The following RAD51B variants were observed in gnomAD, a reference collection of about 807,000 sequenced individuals.
RAD51B encodes RAD51 paralog B.
RAD51B carries 38 observed loss-of-function variants against 42.2 expected under a neutral mutation model. The ratio of observed to expected loss-of-function variants is 0.90; its 90% CI spans 0.70 to 1.18. The LOEUF is 1.18. RAD51B is among the 50% of genes most tolerant of loss of function. The pLI is 0.00. For missense variants in RAD51B, 373 were observed against 400.7 expected (o/e 0.93, Z 0.59); for synonymous variants, 154 against 145.2 (o/e 1.06, Z -0.43).
chr14:67,993,609 G>A (rs1243266660), intron 7 of RAD51B, among the ~76,000 whole-genome samples: 1 of 152,030 alleles, frequency 6.6e-6, no homozygotes, highest in Non-Finnish European at 1.5e-5. Flanking sequence ...GGACACTTAG[G>A]GTGCTTCCAA....
intron 7 of RAD51B, among the ~76,000 whole-genome samples, chr14:68,007,306 A>G (rs1285481369): frequency 2.6e-5 from 4 of 152,106 alleles, no homozygotes; most frequent in Admixed American, 1.3e-4. Flanking sequence ...TCTATTATCA[A>G]TAGTGCTGCT....
At chr14:68,333,462 ACTTTGAAGAACTATCTGGCAGCCT>A (rs2082387801) in intron 8 of RAD51B, among the ~76,000 whole-genome samples, 1 of 152,238 alleles carries the variant, frequency 6.6e-6, no homozygotes, top group Non-Finnish European at 1.5e-5. Flanking sequence ...TGGTAAAGCC[ACTTTGAAGAACTATCTGGCAGCCT>A]CTAGTCTGAT....
intron 7 of RAD51B, among the ~76,000 whole-genome samples, chr14:68,243,965 A>G (rs770445009): frequency 3.3e-5 from 5 of 152,136 alleles, no homozygotes; most frequent in Non-Finnish European, 7.4e-5. Context: ...ATCAGTTTCA[A>G]TTTTGTTAAA....
At chr14:67,854,189 T>A (rs949733199) in intron 4 of RAD51B, among the ~76,000 whole-genome samples, 1 of 152,246 alleles carries the variant, frequency 6.6e-6, no homozygotes, top group Non-Finnish European at 1.5e-5. Flanking sequence ...TGTATATCTG[T>A]TTTTGTACTG....
intron 10 of RAD51B, among the ~76,000 whole-genome samples, chr14:68,514,911 G>A (rs184880596): frequency 2.0e-5 from 3 of 152,188 alleles, no homozygotes; most frequent in Non-Finnish European, 2.9e-5. Context: ...GCTCAAACAC[G>A]ACATTCTTGC....
chr14:68,066,732 G>A (rs969723678), intron 7 of RAD51B, among the ~76,000 whole-genome samples: 1 of 151,790 alleles, frequency 6.6e-6, no homozygotes, highest in Non-Finnish European at 1.5e-5. Context: ...GTCTAGCCTG[G>A]GCAATGCAAT....
chr14:68,034,124 A>G (rs547474623), intron 7 of RAD51B, among the ~76,000 whole-genome samples: 160 of 152,168 alleles, frequency 1.1e-3, no homozygotes, highest in Non-Finnish European at 1.9e-3. Context: ...TTTTTGGTGC[A>G]CCTTGGATAA....
chr14:68,455,168 AACTG>A (rs1480637391), intron 9 of RAD51B, among the ~76,000 whole-genome samples: 1 of 152,222 alleles, frequency 6.6e-6, no homozygotes, highest in East Asian at 1.9e-4. Flanking sequence ...CAATAAAATT[AACTG>A]ACTGACTTCT....
chr14:67,865,469 T>C (rs2042307497), intron 5 of RAD51B, among the ~76,000 whole-genome samples: 1 of 151,358 alleles, frequency 6.6e-6, no homozygotes, highest in Admixed American at 6.6e-5. Context: ...ACTTCTGGCC[T>C]CAAGTGATCT....
In RAD51B at chr14:68,425,294, C is replaced by T. The variant is rs144570733; in HGVS notation, c.957+13767C>T. 1.4e-3 allele frequency among the ~76,000 whole-genome samples: 211 copies of T among 152,264 alleles called. 1 individual carries two copies. The highest frequency in any genetic ancestry group is 2.6e-3 in the Non-Finnish European group (174 of 68,018). The stretch of plus-strand genomic sequence containing the variant: ...ATTTTTCCTCAAGAAAAGGTATATG[C>T]TGCGGTTTGAATGTGTCTCCAAAAC... On this transcript the variant is annotated intron_variant, in intron 9 of 10. Transcript: ENST00000471583.
rs1331730891 is a variant in RAD51B, at chr14:67,833,242, G to A, written c.199-1838G>A. On this transcript the variant is annotated intron_variant, in intron 3 of 10. Transcript: ENST00000471583. ...AATACAAAAATTAGCCGGGTCTGGT[G>A]GCAGGCACCTGTAATCCCAGTTACT... is the stretch of plus-strand genomic sequence containing the variant. Among the ~76,000 whole-genome samples, 4 of 152,154 alleles carry A rather than the reference G, an allele frequency of 2.6e-5. No homozygotes were observed. In the East Asian group the frequency reaches 7.7e-4, roughly 29 times the overall value.
chr14:67,980,763 A>C (rs10147820), intron 7 of RAD51B, among the ~76,000 whole-genome samples: 10,798 of 152,262 alleles, frequency 0.071, 940 homozygotes, highest in African/African-American at 0.21. Context: ...AAATGTAAAA[A>C]CTAAAACTAT....
intron 8 of RAD51B, among the ~76,000 whole-genome samples, chr14:68,347,014 C>G (rs977058471): frequency 4.6e-5 from 7 of 152,200 alleles, no homozygotes; most frequent in Non-Finnish European, 1.0e-4. Flanking sequence ...CTCTCTGAAG[C>G]CTTTTTCACA....
chr14:68,434,517 C>T (rs1197012356), intron 9 of RAD51B, among the ~76,000 whole-genome samples: 2 of 152,228 alleles, frequency 1.3e-5, no homozygotes, highest in African/African-American at 4.8e-5. Flanking sequence ...ATGAGCGAGG[C>T]TCCATGGGCA....
At chr14:67,902,889 A>AC (rs1251239982) in intron 7 of RAD51B, among the ~76,000 whole-genome samples, 1 of 151,876 alleles carries the variant, frequency 6.6e-6, no homozygotes, top group Non-Finnish European at 1.5e-5. Flanking sequence ...TTGCTCTGTC[A>AC]CCCAGGCTGG....
intron 10 of RAD51B, among the ~76,000 whole-genome samples, chr14:68,474,188 T>C (rs1882353765): frequency 6.6e-6 from 1 of 152,176 alleles, no homozygotes; most frequent in Non-Finnish European, 1.5e-5. Flanking sequence ...AGAGTTTCAC[T>C]AGGTATATAT....
chr14:68,158,841 A>T (rs1443276906), intron 7 of RAD51B, among the ~76,000 whole-genome samples: 1 of 152,236 alleles, frequency 6.6e-6, no homozygotes, highest in Non-Finnish European at 1.5e-5. Flanking sequence ...TTGGCCACAT[A>T]GAGGTGCTGG....
At chr14:67,874,083 T>TATA (rs1247250467) in intron 5 of RAD51B, among the ~76,000 whole-genome samples, 3 of 151,572 alleles carry the variant, frequency 2.0e-5, no homozygotes, top group Admixed American at 1.3e-4. Context: ...AAACTTAAAG[T>TATA]ATAATAATAA....
At chr14:68,631,808 C>A (rs1183880272) in intron 10 of RAD51B, among the ~76,000 whole-genome samples, 1 of 152,168 alleles carries the variant, frequency 6.6e-6, no homozygotes, top group South Asian at 2.1e-4. Flanking sequence ...GCTCCTGCCT[C>A]CCCAGGCTCC....
Sources: allele counts gnomAD v4.1 joint callset (sites outside exome capture counted in the v4.1 genomes callset), GRCh38; gene constraint gnomAD v4.1.1; transcripts MANE v1.5; gene names NCBI Gene and HGNC (gene_info 2026-07-23, HGNC 2026-07-21).